The following PLCB4 variants were observed in gnomAD, a reference collection of about 807,000 sequenced individuals.
PLCB4 encodes phospholipase C beta 4, also known as 1-phosphatidylinositol 4,5-bisphosphate phosphodiesterase beta-4.
PLCB4 carries 77 observed loss-of-function variants against 178.8 expected under a neutral mutation model. The ratio of observed to expected loss-of-function variants is 0.43; its 90% CI spans 0.36 to 0.52. The LOEUF is 0.52. PLCB4 is among the 20% of genes least tolerant of loss of function. PLCB4 has a pLI of 0.00. For missense variants in PLCB4, 1,024 were observed against 1,453.4 expected (o/e 0.70, Z 4.80); for synonymous variants, 496 against 490.8 (o/e 1.01, Z -0.14).
At chr20:9,137,007 C>G (rs763000673) in intron 2 of PLCB4, among the ~76,000 whole-genome samples, 1 of 151,982 alleles carries the variant, frequency 6.6e-6, no homozygotes, top group Admixed American at 6.6e-5. Context: ...AAGAGACTCC[C>G]GGGTCTCTTC....
At chr20:9,136,135 C>T (rs917112104) in intron 2 of PLCB4, among the ~76,000 whole-genome samples, 3 of 152,150 alleles carry the variant, frequency 2.0e-5, no homozygotes, top group Admixed American at 1.3e-4. Flanking sequence ...CACACACACA[C>T]ACCCCACACA....
chr20:9,342,414 G>T (rs1328995123), intron 7 of PLCB4, among the ~76,000 whole-genome samples: 6 of 152,208 alleles, frequency 3.9e-5, no homozygotes, highest in Admixed American at 3.9e-4. Flanking sequence ...TAGAATCAGG[G>T]GGCCATGAAA....
At chr20:9,301,107 C>G (rs989712559) in intron 3 of PLCB4, among the ~76,000 whole-genome samples, 6 of 151,548 alleles carry the variant, frequency 4.0e-5, no homozygotes, top group Non-Finnish European at 8.8e-5. Context: ...TGTGTCAAAA[C>G]TTCCCCTGCT....
chr20:9,242,735 T>C (rs2094079036), intron 3 of PLCB4, among the ~76,000 whole-genome samples: 1 of 152,128 alleles, frequency 6.6e-6, no homozygotes, highest in African/African-American at 2.4e-5. Flanking sequence ...GTTTTCAAAG[T>C]GTGGACCCTG....
intron 17 of PLCB4, among the ~76,000 whole-genome samples, chr20:9,391,734 G>A (rs1456978598): frequency 6.6e-6 from 1 of 152,158 alleles, no homozygotes; most frequent in Non-Finnish European, 1.5e-5. Context: ...CTGAGAGTGA[G>A]CTCTGGTCAC....
chr20:9,096,095 T>G (rs1032306043), intron 1 of PLCB4, among the ~76,000 whole-genome samples, 192 bp from the exon 2 acceptor site: 2 of 152,194 alleles, frequency 1.3e-5, no homozygotes, highest in African/African-American at 4.8e-5. Context: ...AGCAAATCAT[T>G]GGAATTAAAA....
intron 1 of PLCB4, among the ~76,000 whole-genome samples, chr20:9,084,060 T>A (rs1053314249): frequency 6.6e-6 from 1 of 152,240 alleles, no homozygotes; most frequent in Non-Finnish European, 1.5e-5. Context: ...ATAATAATTT[T>A]GGCATTTGAA....
At chr20:9,416,338 C>A (rs1024718323) in intron 25 of PLCB4, among the ~76,000 whole-genome samples, 11 of 152,136 alleles carry the variant, frequency 7.2e-5, no homozygotes, top group Admixed American at 5.9e-4. Flanking sequence ...TGAGGAATCT[C>A]TGGACACTCA....
At chr20:9,275,267 A>G (rs1366402620) in intron 3 of PLCB4, among the ~76,000 whole-genome samples, 1 of 152,148 alleles carries the variant, frequency 6.6e-6, no homozygotes, top group South Asian at 2.1e-4. Context: ...TGATAAACCC[A>G]TCAGATCTCG....
intron 4 of PLCB4, among the ~76,000 whole-genome samples, chr20:9,318,626 T>C (rs1237624870): frequency 6.6e-6 from 1 of 152,214 alleles, no homozygotes; most frequent in Non-Finnish European, 1.5e-5. Flanking sequence ...ATGCCTGTTA[T>C]CATTTAAACT....
At chr20:9,218,505 A>C (rs2093759010) in intron 3 of PLCB4, among the ~76,000 whole-genome samples, 1 of 152,228 alleles carries the variant, frequency 6.6e-6, no homozygotes, top group Admixed American at 6.5e-5. Flanking sequence ...AATGGCGTGA[A>C]CCAGCAACTT....
intron 3 of PLCB4, among the ~76,000 whole-genome samples, chr20:9,285,153 A>G (rs756447561): frequency 6.6e-6 from 1 of 151,854 alleles, no homozygotes; most frequent in Admixed American, 6.6e-5. Flanking sequence ...TTGTTACAAA[A>G]GTAACATATT....
At chr20:9,397,092 C>G (rs1051438398) in intron 19 of PLCB4, among the ~76,000 whole-genome samples, 4 of 152,162 alleles carry the variant, frequency 2.6e-5, no homozygotes, top group African/African-American at 9.7e-5. Context: ...AAAATTGAAG[C>G]CAATCCTCTC....
intron 2 of PLCB4, among the ~76,000 whole-genome samples, chr20:9,132,600 G>A (rs527649986): frequency 6.6e-6 from 1 of 152,290 alleles, no homozygotes; most frequent in African/African-American, 2.4e-5. Context: ...ATTAGATCCA[G>A]TTGAGAGTGC....
intron 4 of PLCB4, among the ~76,000 whole-genome samples, chr20:9,310,718 T>TA (rs946799356): frequency 5.7e-4 from 85 of 149,512 alleles, no homozygotes; most frequent in African/African-American, 1.3e-3. Flanking sequence ...TCTCAAAAAA[T>TA]AAAAAAAAAT....
At chr20:9,342,255 A>G (rs1367331322) in intron 7 of PLCB4, among the ~76,000 whole-genome samples, 1 of 152,214 alleles carries the variant, frequency 6.6e-6, no homozygotes, top group African/African-American at 2.4e-5. Flanking sequence ...TGAAATACAC[A>G]TAGATATAAT....
intron 2 of PLCB4, among the ~76,000 whole-genome samples, chr20:9,111,139 C>G (rs1173715005): frequency 2.6e-5 from 4 of 152,122 alleles, no homozygotes; most frequent in Non-Finnish European, 4.4e-5. Context: ...ACAGACACCC[C>G]CCTCAGGGAT....
chr20:9,103,139 ACT>A (rs1258047436), intron 2 of PLCB4, among the ~76,000 whole-genome samples: 2 of 149,936 alleles, frequency 1.3e-5, no homozygotes, highest in South Asian at 4.2e-4. Flanking sequence ...ATTCCATTGT[ACT>A]TTTTAACACA....
At chr20:9,455,368 G>T (rs1213685685) in intron 33 of PLCB4, among the ~76,000 whole-genome samples, 2 of 152,082 alleles carry the variant, frequency 1.3e-5, no homozygotes, top group Non-Finnish European at 2.9e-5. Context: ...AAATTTCTTT[G>T]CTAAAAATAA....
Sources: gnomAD v4.1 joint callset for allele counts (sites outside exome capture counted in the v4.1 genomes callset) on GRCh38, gnomAD v4.1.1 for gene constraint, MANE v1.5 for transcripts, NCBI Gene and HGNC (gene_info 2026-07-23, HGNC 2026-07-21) for gene names.